The following DENND1A variants were observed in gnomAD, a reference collection of about 807,000 sequenced individuals.
DENND1A encodes DENN domain-containing protein 1A.
DENND1A carries 51 observed loss-of-function variants against 113.7 expected under a neutral mutation model. The observed-to-expected ratio is 0.45, with a 90% confidence interval of 0.36 to 0.57. DENND1A has a LOEUF of 0.57. Ranked by LOEUF, DENND1A falls within the 20% of genes least tolerant of loss-of-function variation. The pLI is 0.00. For synonymous variants in DENND1A, 565 were observed against 570.8 expected (o/e 0.99, Z 0.14); for missense variants, 1,258 against 1,395.9 (o/e 0.90, Z 1.57).
intron 12 of DENND1A, among the ~76,000 whole-genome samples, chr9:123,564,555 G>C (rs748960530): frequency 4.6e-5 from 7 of 152,286 alleles, no homozygotes; most frequent in Non-Finnish European, 7.3e-5. Context: ...GGTTATTTCC[G>C]GTGTGGAGTG....
chr9:123,430,518 C>T (rs747047759), intron 19 of DENND1A, among the ~76,000 whole-genome samples: 43 of 152,246 alleles, frequency 2.8e-4, no homozygotes, highest in Middle Eastern at 3.4e-3. Flanking sequence ...TCATGTCCTT[C>T]GCAGGGACAT....
At chr9:123,856,316 C>T (rs1360371928) in intron 2 of DENND1A, among the ~76,000 whole-genome samples, 6 of 152,040 alleles carry the variant, frequency 3.9e-5, no homozygotes, top group African/African-American at 9.7e-5. Context: ...GCAACCAGTG[C>T]GAGAAGAGCG....
chr9:123,544,892 A>G (rs1437825143), intron 13 of DENND1A, among the ~76,000 whole-genome samples: 1 of 152,072 alleles, frequency 6.6e-6, no homozygotes, highest in African/African-American at 2.4e-5. Flanking sequence ...AGGTCAGGAG[A>G]TCAAGACCAT....
chr9:123,663,199 C>T (rs1306638722), intron 8 of DENND1A, among the ~76,000 whole-genome samples: 1 of 152,098 alleles, frequency 6.6e-6, no homozygotes, highest in African/African-American at 2.4e-5. Flanking sequence ...TTTTAGAATA[C>T]ATTAAACTAA....
At chr9:123,811,380 G>T (rs1836577096) in intron 2 of DENND1A, among the ~76,000 whole-genome samples, 1 of 152,168 alleles carries the variant, frequency 6.6e-6, no homozygotes, top group South Asian at 2.1e-4. Flanking sequence ...TGGCTGGATG[G>T]AAAGTAATTT....
chr9:123,752,680 T>G (rs16926801), intron 5 of DENND1A, among the ~76,000 whole-genome samples: 3,236 of 152,328 alleles, frequency 0.021, 128 homozygotes, highest in African/African-American at 0.073. Flanking sequence ...GTTTTGGCCT[T>G]GATGGAGTAT....
At chr9:123,436,351 T>C (rs1169091649) in intron 19 of DENND1A, among the ~76,000 whole-genome samples, 5 of 152,250 alleles carry the variant, frequency 3.3e-5, no homozygotes, top group South Asian at 2.1e-4. Flanking sequence ...CCTGCCATTG[T>C]CCACTTATCT....
chr9:123,615,209 T>C (rs2060593067), intron 10 of DENND1A, among the ~76,000 whole-genome samples: 1 of 152,226 alleles, frequency 6.6e-6, no homozygotes, highest in Non-Finnish European at 1.5e-5. Flanking sequence ...ATTTTCCTCA[T>C]TAGATTCTCA....
chr9:123,501,644 A>G (rs1005869172), intron 13 of DENND1A, among the ~76,000 whole-genome samples: 1 of 152,222 alleles, frequency 6.6e-6, no homozygotes, highest in African/African-American at 2.4e-5. Flanking sequence ...TGAAAGATGC[A>G]AAGTATTGAT....
intron 5 of DENND1A, among the ~76,000 whole-genome samples, chr9:123,717,117 A>C (rs758926882): frequency 2.0e-5 from 3 of 152,178 alleles, no homozygotes; most frequent in Admixed American, 6.5e-5. Context: ...TTTATTTGAG[A>C]GACCCGGTGG....
intron 5 of DENND1A, among the ~76,000 whole-genome samples, chr9:123,679,244 C>T (rs878859146): frequency 7.9e-5 from 12 of 152,130 alleles, no homozygotes; most frequent in Admixed American, 5.9e-4. Flanking sequence ...CAGAATCCAT[C>T]GAAGTAGTTT....
intron 10 of DENND1A, among the ~76,000 whole-genome samples, chr9:123,614,903 T>C (rs1410734951): frequency 1.3e-5 from 2 of 152,266 alleles, no homozygotes; most frequent in African/African-American, 4.8e-5. Context: ...TCTTTCTTTT[T>C]TTGTAAAAGA....
intron 12 of DENND1A, among the ~76,000 whole-genome samples, chr9:123,573,521 C>T (rs2058469286): frequency 6.6e-6 from 1 of 151,870 alleles, no homozygotes; most frequent in South Asian, 2.1e-4. Context: ...AACATATTTT[C>T]TTAAATTTAT....
At chr9:123,738,698 T>C (rs2068759816) in intron 5 of DENND1A, among the ~76,000 whole-genome samples, 1 of 152,162 alleles carries the variant, frequency 6.6e-6, no homozygotes, top group Admixed American at 6.5e-5. Flanking sequence ...TTAAGGCTAT[T>C]GTTTTATAGT....
At chr9:123,653,925 G>A (rs1454866742) in intron 8 of DENND1A, among the ~76,000 whole-genome samples, 1 of 151,478 alleles carries the variant, frequency 6.6e-6, no homozygotes, top group Non-Finnish European at 1.5e-5. Context: ...GGAGGCTCAG[G>A]AAGTCTCAGT....
chr9:123,757,203 C>T (rs12378148), intron 5 of DENND1A, among the ~76,000 whole-genome samples: 3,057 of 152,288 alleles, frequency 0.02, 50 homozygotes, highest in Non-Finnish European at 0.028. Flanking sequence ...TTACACGATT[C>T]TTAATTTTTT....
intron 13 of DENND1A, among the ~76,000 whole-genome samples, chr9:123,555,119 G>A (rs2135985083): frequency 6.6e-6 from 1 of 152,240 alleles, no homozygotes; most frequent in South Asian, 2.1e-4. Flanking sequence ...ACTTCTTGCT[G>A]TTCATCTCCC....
At chr9:123,610,940 C>T (rs1014313087) in intron 10 of DENND1A, among the ~76,000 whole-genome samples, 39 of 152,214 alleles carry the variant, frequency 2.6e-4, no homozygotes, top group African/African-American at 9.4e-4. Context: ...GGACACAATT[C>T]CCTCATTACC....
chr9:123,756,003 C>T (rs147691162), intron 5 of DENND1A, among the ~76,000 whole-genome samples: 291 of 152,164 alleles, frequency 1.9e-3, no homozygotes, highest in African/African-American at 6.8e-3. Context: ...CTCCATGTCT[C>T]GGATTCAAGC....
Sources: allele counts gnomAD v4.1 joint callset (sites outside exome capture counted in the v4.1 genomes callset), GRCh38; gene constraint gnomAD v4.1.1; transcripts MANE v1.5; gene names NCBI Gene and HGNC (gene_info 2026-07-23, HGNC 2026-07-21).